The following ACCSL variants were observed in gnomAD, a reference collection of about 807,000 sequenced individuals.
The protein encoded by ACCSL is probable inactive 1-aminocyclopropane-1-carboxylate synthase-like protein 2.
A neutral mutation model predicts 61.7 loss-of-function variants in ACCSL; 55 were observed. That is an observed-to-expected ratio of 0.89 (90% CI 0.72 to 1.12). ACCSL has a LOEUF of 1.12. Ranked by LOEUF, ACCSL falls within the 50% of genes most tolerant of loss-of-function variation. The probability of loss-of-function intolerance (pLI) is 0.00; values close to 1 mark genes in which losing one functional copy is unlikely to be tolerated. For missense variants in ACCSL, 632 were observed against 698.0 expected (o/e 0.91, Z 1.07); for synonymous variants, 258 against 264.3 (o/e 0.98, Z 0.23).
intron 7 of ACCSL, 141 bp from the exon 8 acceptor site, chr11:44,053,265 C>A: frequency 1.1e-6 from 1 of 870,892 alleles, no homozygotes; most frequent in East Asian, 2.6e-5. Flanking sequence ...CCTGTTTCCC[C>A]TCTTTGGGCA....
the ACCSL span, among the ~76,000 whole-genome samples, chr11:43,971,247 G>A: frequency 6.7e-6 from 1 of 148,310 alleles, no homozygotes; most frequent in African/African-American, 2.5e-5. Context: ...GCAGGAGAAT[G>A]GCATTCCAGC....
the ACCSL span, among the ~76,000 whole-genome samples, chr11:43,951,599 G>A: frequency 7.9e-5 from 12 of 152,326 alleles, no homozygotes; most frequent in South Asian, 2.1e-4. Flanking sequence ...AGCAATGAAT[G>A]ATTATGATGG....
the ACCSL span, among the ~76,000 whole-genome samples, chr11:44,028,195 G>A: frequency 0.4 from 60,676 of 151,460 alleles, 12,630 homozygotes; most frequent in Admixed American, 0.42. Context: ...TCTAAAATCA[G>A]TTATTAAGAT....
the ACCSL span, chr11:43,933,212 A>T: frequency 2.2e-6 from 1 of 455,630 alleles, no homozygotes; most frequent in Non-Finnish European, 4.4e-6. Flanking sequence ...GAGCAGCGAA[A>T]CTTCTCAGAA....
the ACCSL span, among the ~76,000 whole-genome samples, chr11:43,987,063 C>A: frequency 6.6e-6 from 1 of 152,106 alleles, no homozygotes; most frequent in Non-Finnish European, 1.5e-5. Flanking sequence ...CCTGGCTGCT[C>A]TCCCCAGTGA....
the ACCSL span, among the ~76,000 whole-genome samples, chr11:44,036,600 G>A: frequency 2.0e-5 from 3 of 151,620 alleles, no homozygotes. Context: ...TGGCCAACAT[G>A]GCAAAACCCT....
the ACCSL span, among the ~76,000 whole-genome samples, chr11:44,030,758 G>T: frequency 1.3e-5 from 2 of 152,044 alleles, no homozygotes; most frequent in African/African-American, 4.8e-5. Flanking sequence ...TTCTTATCTT[G>T]TTTGTGTCAA....
At chr11:44,008,104 T>A in the ACCSL span, among the ~76,000 whole-genome samples, 9 of 152,314 alleles carry the variant, frequency 5.9e-5, no homozygotes, top group African/African-American at 2.2e-4. Flanking sequence ...CCCATCAACC[T>A]GGACATGCCA....
the ACCSL span, chr11:43,942,270 C>A: frequency 1.4e-5 from 2 of 141,896 alleles, no homozygotes; most frequent in Non-Finnish European, 3.0e-5. Context: ...GACCAGGGGG[C>A]GGGGGAGGGG....
chr11:43,994,236 C>T, the ACCSL span, among the ~76,000 whole-genome samples: 8 of 152,212 alleles, frequency 5.3e-5, no homozygotes, highest in Admixed American at 4.6e-4. Context: ...TTGGTTTAGT[C>T]TGGAACTTTA....
the ACCSL span, among the ~76,000 whole-genome samples, chr11:43,990,979 G>T: frequency 3.9e-5 from 6 of 152,074 alleles, no homozygotes; most frequent in Non-Finnish European, 8.8e-5. Flanking sequence ...GCTGAGGCAG[G>T]AGAATCACTT....
At chr11:43,999,196 C>T in the ACCSL span, among the ~76,000 whole-genome samples, 1,387 of 152,228 alleles carry the variant, frequency 9.1e-3, 12 homozygotes, top group East Asian at 0.03. Context: ...CAACATTTAC[C>T]GAACCCTTAC....
At chr11:43,972,480 T>C in the ACCSL span, among the ~76,000 whole-genome samples, 3 of 152,328 alleles carry the variant, frequency 2.0e-5, no homozygotes, top group African/African-American at 7.2e-5. Context: ...GTGTTGTTGG[T>C]GATTCATGCT....
chr11:43,983,263 A>G, the ACCSL span, among the ~76,000 whole-genome samples: 2 of 152,236 alleles, frequency 1.3e-5, no homozygotes, highest in Non-Finnish European at 2.9e-5. Flanking sequence ...GCTCCAGGAA[A>G]CAGTCGATTA....
the ACCSL span, among the ~76,000 whole-genome samples, chr11:44,032,017 T>C: frequency 6.6e-6 from 1 of 152,188 alleles, no homozygotes; most frequent in Non-Finnish European, 1.5e-5. Flanking sequence ...ATTATCATAG[T>C]ATCTGGGTCT....
the ACCSL span, among the ~76,000 whole-genome samples, chr11:43,922,721 C>T: frequency 5.9e-5 from 9 of 152,170 alleles, no homozygotes; most frequent in African/African-American, 2.2e-4. Context: ...GATAAGTTTT[C>T]CCCGGTGGTC....
chr11:44,010,654 A>G, the ACCSL span, among the ~76,000 whole-genome samples: 2 of 152,198 alleles, frequency 1.3e-5, no homozygotes, highest in Non-Finnish European at 2.9e-5. Flanking sequence ...CCAGGTAGTC[A>G]AAACTCTGAA....
At chr11:43,990,252 G>T in the ACCSL span, among the ~76,000 whole-genome samples, 3 of 152,186 alleles carry the variant, frequency 2.0e-5, no homozygotes, top group Admixed American at 2.0e-4. Flanking sequence ...GGCTATCTTA[G>T]TCCGTTCTGC....
At position 44,048,403 on chromosome 11, in the gene ACCSL, C is replaced by T. The variant is rs752724012; in HGVS notation, c.367C>T (p.Leu123=). The T allele has an allele frequency of 8.1e-6, 13 of 1,614,168 alleles. No individual in the cohort carries two copies. The Admixed American group carries it at 2.2e-4, about 27-fold the overall frequency. ...TGGGCAGCCTGATCCAGTTCCCCAA[C>T]TGAGTGATTGTGAAGCTGCCTTTGT... ...LSGQPDPVPQ[L]SDCEAAFVNR... is the part of the protein sequence containing the mutation. The change falls in exon 1 of 14, where the codon CTG becomes TTG. Residue 123 remains leucine (L), a synonymous_variant. Transcript: ENST00000378832.
Sources: allele counts gnomAD v4.1 joint callset (sites outside exome capture counted in the v4.1 genomes callset), GRCh38; gene constraint gnomAD v4.1.1; transcripts MANE v1.5; gene names NCBI Gene and HGNC (gene_info 2026-07-23, HGNC 2026-07-21).